The following GRK5 variants were observed in gnomAD, a reference collection of about 807,000 sequenced individuals.
GRK5 encodes G protein-coupled receptor kinase 5.
Under a neutral mutation model 78.4 loss-of-function variants are expected in GRK5, and 40 were observed. That is an observed-to-expected ratio of 0.51 (90% CI 0.40 to 0.66). The LOEUF (loss-of-function observed/expected upper bound fraction) is 0.66, where lower values mean the gene tolerates loss of function less well. Ranked by LOEUF, GRK5 falls within the 30% of genes least tolerant of loss-of-function variation. The pLI is 0.00. For missense variants in GRK5, 598 were observed against 759.9 expected, an observed-to-expected ratio of 0.79 and a Z score of 2.50; for synonymous variants, 289 against 296.8, an observed-to-expected ratio of 0.97 and a Z score of 0.27.
rs1300586728 is a variant in GRK5, at chr10:119,337,633, T to G, written c.148+11022T>G. ...TTCCCCCCCACTTTTTTCTCTTTTT[T>G]TTTGAGACAGAGTTTTGCTCTTGTT... On this transcript the variant is annotated intron_variant, in intron 2 of 15. Transcript: ENST00000392870. Among the ~76,000 whole-genome samples the G allele has an allele frequency of 2.0e-5, 3 of 152,150 alleles. No homozygotes were observed. The East Asian group carries it at 5.8e-4, about 29-fold the overall frequency.
In GRK5 at chr10:119,452,384, C is replaced by G. The variant is rs992941760; in HGVS notation, c.1405-287C>G. Reference sequence around the variant, plus strand: ...TCCTGTGTCACCCCAGCCAGGGTCCCCGTCATGGATCTGAGAGAGGGCTGC... The same window carrying G: ...TCCTGTGTCACCCCAGCCAGGGTCCGCGTCATGGATCTGAGAGAGGGCTGC... On this transcript the variant is annotated intron_variant, in intron 13 of 15. Coordinates refer to ENST00000392870, the MANE Select transcript of GRK5 (RefSeq NM_005308.3). The surrounding 1 kb of genome is among the most constrained non-coding windows in gnomAD (Gnocchi z 4.4). 2.4e-5 allele frequency: 9 copies of G among 380,140 alleles called. No individual in the cohort carries two copies. Among genetic ancestry groups the G allele is most frequent in the Non-Finnish European group, 4.3e-5 (9 of 206,922 alleles). 23.5% of individuals were successfully genotyped at this position (380,140 alleles called of 1,614,324 possible). A position where few individuals can be genotyped will look rare whatever the true frequency, so the allele number is the denominator to read the frequency against.
chr10:119,401,442 T>C (rs962357680), intron 4 of GRK5, among the ~76,000 whole-genome samples: 2 of 152,112 alleles, frequency 1.3e-5, no homozygotes, highest in Non-Finnish European at 2.9e-5. Flanking sequence ...TTGAAAGCTG[T>C]TGGAGAGCTC....
chr10:119,356,645 C>G (rs888582297), intron 2 of GRK5, among the ~76,000 whole-genome samples: 2 of 152,166 alleles, frequency 1.3e-5, no homozygotes, highest in African/African-American at 4.8e-5. Flanking sequence ...CTTCCAGTTC[C>G]TCTTCTGCCC....
At chr10:119,281,618 G>A (rs567607034) in intron 1 of GRK5, among the ~76,000 whole-genome samples, 2 of 152,250 alleles carry the variant, frequency 1.3e-5, no homozygotes, top group South Asian at 2.1e-4. Context: ...GGCCGACCTC[G>A]GGTCTTAGCA....
Position 119,457,104 on chromosome 10 carries a change from C to T in GRK5, c.*2037C>T, listed in dbSNP as rs1310705908. ...TCAAGTCTTCCAAGGAAGTAGAAAA[C>T]TCTTTGAATGGTATCTTAAGATCCT... is the stretch of plus-strand genomic sequence containing the variant. On this transcript the variant is annotated 3_prime_UTR_variant, in exon 16 of 16. Coordinates refer to ENST00000392870, the MANE Select transcript of GRK5 (RefSeq NM_005308.3). 6.6e-6 allele frequency: 1 copy of T among 152,148 alleles called. No individual in the cohort carries two copies. The highest frequency in any genetic ancestry group is 1.5e-5 in the Non-Finnish European group (1 of 68,044). The allele number at this position is 152,148 out of a possible 1,614,324, so 9.4% of individuals were successfully genotyped here. A position where few individuals can be genotyped will look rare whatever the true frequency, so the allele number is the denominator to read the frequency against.
At chr10:119,417,733 G>T (rs1289534753) in intron 4 of GRK5, among the ~76,000 whole-genome samples, 8 of 152,206 alleles carry the variant, frequency 5.3e-5, no homozygotes, top group African/African-American at 1.9e-4. Context: ...AGCAGAGGAT[G>T]CATGAGATGA....
intron 3 of GRK5, among the ~76,000 whole-genome samples, chr10:119,390,347 G>A (rs1015528842): frequency 6.6e-6 from 1 of 152,160 alleles, no homozygotes; most frequent in Non-Finnish European, 1.5e-5. Context: ...CTCACATGGC[G>A]GGAGACAAGA....
chr10:119,386,806 G>A (rs1851805718), intron 3 of GRK5, among the ~76,000 whole-genome samples: 1 of 152,150 alleles, frequency 6.6e-6, no homozygotes, highest in Admixed American at 6.5e-5. Flanking sequence ...CTTCCATCCT[G>A]ACTGGAACCC....
chr10:119,331,582 C>A (rs913323370), intron 2 of GRK5, among the ~76,000 whole-genome samples: 1 of 152,236 alleles, frequency 6.6e-6, no homozygotes, highest in Admixed American at 6.5e-5. Context: ...CTGGGACAGG[C>A]TTTGTGCCAA....
intron 4 of GRK5, among the ~76,000 whole-genome samples, chr10:119,419,806 C>T (rs1852533184): frequency 6.6e-6 from 1 of 152,208 alleles, no homozygotes; most frequent in South Asian, 2.1e-4. Flanking sequence ...TTCTATAAAG[C>T]CTTTCCCAGA....
intron 13 of GRK5, among the ~76,000 whole-genome samples, chr10:119,450,797 C>A (rs1397799958): frequency 6.6e-6 from 1 of 152,128 alleles, no homozygotes; most frequent in South Asian, 2.1e-4. Context: ...GCCCTCCTGC[C>A]TCAGCCGTGT....
intron 4 of GRK5, among the ~76,000 whole-genome samples, chr10:119,411,329 C>T (rs769746958): frequency 6.6e-5 from 10 of 152,214 alleles, no homozygotes; most frequent in Non-Finnish European, 1.2e-4. Flanking sequence ...CATGGTGTCA[C>T]TCCCACTTTC....
intron 1 of GRK5, among the ~76,000 whole-genome samples, chr10:119,317,003 A>G (rs1482951804): frequency 6.6e-6 from 1 of 152,194 alleles, no homozygotes. Context: ...GGGGCCTACC[A>G]TGAATGAAAA....
chr10:119,415,980 G>A (rs1852442565), intron 4 of GRK5, among the ~76,000 whole-genome samples: 1 of 152,194 alleles, frequency 6.6e-6, no homozygotes, highest in Admixed American at 6.5e-5. Flanking sequence ...ACGAGTATCA[G>A]GCCTGTGTTT....
At chr10:119,414,285 T>G (rs1589797001) in intron 4 of GRK5, among the ~76,000 whole-genome samples, 2 of 152,232 alleles carry the variant, frequency 1.3e-5, no homozygotes, top group Admixed American at 1.3e-4. Context: ...GGGCCGACCT[T>G]TTGTCCACTG....
chr10:119,361,391 A>G (rs774126961), intron 2 of GRK5, among the ~76,000 whole-genome samples: 1 of 152,208 alleles, frequency 6.6e-6, no homozygotes. Flanking sequence ...CTTACTCAGC[A>G]AGCCCTGACC....
intron 4 of GRK5, among the ~76,000 whole-genome samples, chr10:119,421,243 C>G (rs146319715): frequency 1.9e-3 from 292 of 152,346 alleles, no homozygotes; most frequent in African/African-American, 6.8e-3. Context: ...CCCAGGGCCT[C>G]GGGATTTGTG....
intron 6 of GRK5, among the ~76,000 whole-genome samples, chr10:119,427,061 A>G (rs1852698120): frequency 6.6e-6 from 1 of 151,706 alleles, no homozygotes; most frequent in African/African-American, 2.4e-5. Context: ...CATCAATATC[A>G]CTGCCATCAT....
intron 4 of GRK5, among the ~76,000 whole-genome samples, chr10:119,417,603 C>A (rs1282060889): frequency 6.6e-6 from 1 of 152,086 alleles, no homozygotes; most frequent in Non-Finnish European, 1.5e-5. Context: ...TGCATTGAAT[C>A]GTTAGTGGTC....
Sources: allele counts gnomAD v4.1 joint callset (sites outside exome capture counted in the v4.1 genomes callset), GRCh38; gene constraint gnomAD v4.1.1; non-coding constraint Gnocchi (gnomAD v3.1); transcripts MANE v1.5; gene names NCBI Gene and HGNC (gene_info 2026-07-23, HGNC 2026-07-21).